KCNIP4: variants seen among roughly 807,000 people sequenced by gnomAD.
KCNIP4 encodes the protein potassium voltage-gated channel interacting protein 4.
KCNIP4 carries 12 observed loss-of-function variants against 34.0 expected under a neutral mutation model. That is an observed-to-expected ratio of 0.35 (90% CI 0.23 to 0.57). KCNIP4 has a LOEUF of 0.57. Ranked by LOEUF, KCNIP4 falls within the 20% of genes least tolerant of loss-of-function variation. KCNIP4 has a pLI of 0.83. For missense variants in KCNIP4, 238 were observed against 311.7 expected (o/e 0.76, Z 1.78); for synonymous variants, 124 against 102.2 (o/e 1.21, Z -1.29).
chr4:21,526,165 G>A (rs1461381532), intron 1 of KCNIP4, among the ~76,000 whole-genome samples: 2 of 152,100 alleles, frequency 1.3e-5, no homozygotes, highest in African/African-American at 4.8e-5. Context: ...AGCTTGAATT[G>A]TAATAATCCC....
chr4:21,794,171 T>C (rs966684664), intron 1 of KCNIP4, among the ~76,000 whole-genome samples: 2 of 152,126 alleles, frequency 1.3e-5, no homozygotes, highest in South Asian at 2.1e-4. Context: ...ATACCTAATG[T>C]AAATGACTAG....
chr4:20,858,643 C>T (rs1236131721), intron 2 of KCNIP4, among the ~76,000 whole-genome samples: 1 of 152,140 alleles, frequency 6.6e-6, no homozygotes, highest in Admixed American at 6.5e-5. Context: ...CAACTCTTGG[C>T]CAAATGGCTA....
intron 3 of KCNIP4, among the ~76,000 whole-genome samples, chr4:20,787,146 A>G (rs964343485): frequency 6.6e-6 from 1 of 152,206 alleles, no homozygotes; most frequent in African/African-American, 2.4e-5. Context: ...GACAGTTTAG[A>G]TACAAATAAC....
intron 1 of KCNIP4, among the ~76,000 whole-genome samples, chr4:20,990,845 T>C (rs1737021606): frequency 6.6e-6 from 1 of 152,202 alleles, no homozygotes; most frequent in African/African-American, 2.4e-5. Context: ...CCCACCACAC[T>C]GGGCTGGCTT....
intron 1 of KCNIP4, among the ~76,000 whole-genome samples, chr4:21,002,484 A>G (rs1738220214): frequency 6.6e-6 from 1 of 152,240 alleles, no homozygotes; most frequent in Non-Finnish European, 1.5e-5. Flanking sequence ...TGCATAATCA[A>G]GACATATGGC....
chr4:20,864,862 C>T (rs1722711559), intron 2 of KCNIP4, among the ~76,000 whole-genome samples: 1 of 152,096 alleles, frequency 6.6e-6, no homozygotes, highest in Non-Finnish European at 1.5e-5. Context: ...TACTGCAGCA[C>T]TTTGTCAGAT....
chr4:21,565,752 A>G (rs1051879435), intron 1 of KCNIP4, among the ~76,000 whole-genome samples: 4 of 152,140 alleles, frequency 2.6e-5, no homozygotes, highest in Non-Finnish European at 5.9e-5. Flanking sequence ...AAGTTGAGTA[A>G]TTTAAAGCTC....
At chr4:21,913,600 C>T (rs926327316) in intron 1 of KCNIP4, among the ~76,000 whole-genome samples, 1 of 152,196 alleles carries the variant, frequency 6.6e-6, no homozygotes, top group Middle Eastern at 3.4e-3. Flanking sequence ...TTAAGACAAG[C>T]AATTTCTTGT....
At chr4:21,795,895 C>A (rs1578000816) in intron 1 of KCNIP4, among the ~76,000 whole-genome samples, 1 of 152,074 alleles carries the variant, frequency 6.6e-6, no homozygotes, top group East Asian at 1.9e-4. Flanking sequence ...CATGGTGAGA[C>A]CCTGTCTCTA....
At chr4:20,795,615 G>A (rs567163109) in intron 3 of KCNIP4, among the ~76,000 whole-genome samples, 21 of 151,996 alleles carry the variant, frequency 1.4e-4, no homozygotes, top group Non-Finnish European at 2.8e-4. Flanking sequence ...TATCTTTTGG[G>A]TTGCGCTCAA....
At chr4:21,939,859 G>C (rs960530084) in intron 1 of KCNIP4, among the ~76,000 whole-genome samples, 4 of 152,168 alleles carry the variant, frequency 2.6e-5, no homozygotes, top group Non-Finnish European at 5.9e-5. Context: ...TGAAATATTA[G>C]ATGATGTATA....
In KCNIP4 at chr4:20,729,458, A is replaced by ATCTGATAATAAACTAATTTT. The variant is rs1295391554; in HGVS notation, c.*604_*623dup. ...TAAGTTTTATTAGGCATATGCTGAT[A>ATCTGATAATAAACTAATTTT]TCTGATAATAAACTAATTTTTAAAT... On this transcript the variant is annotated 3_prime_UTR_variant, in exon 9 of 9. Transcript: ENST00000382152. 2 of 126,790 alleles carry ATCTGATAATAAACTAATTTT rather than the reference A, an allele frequency of 1.6e-5. No homozygotes were observed. Among genetic ancestry groups the ATCTGATAATAAACTAATTTT allele is most frequent in the Admixed American group, 8.2e-5 (1 of 12,176 alleles). 7.9% of individuals were successfully genotyped at this position (126,790 alleles called of 1,614,324 possible).
chr4:21,283,214 T>C (rs1762891034), intron 1 of KCNIP4, among the ~76,000 whole-genome samples: 1 of 152,172 alleles, frequency 6.6e-6, no homozygotes, highest in East Asian at 1.9e-4. Flanking sequence ...TGGGATCTTA[T>C]TTGGATGAAA....
intron 1 of KCNIP4, among the ~76,000 whole-genome samples, chr4:21,261,349 CT>C (rs33991023): frequency 0.063 from 9,521 of 152,146 alleles, 1,002 homozygotes; most frequent in African/African-American, 0.22. Context: ...AAGATTATGT[CT>C]TACAGAGCTG....
chr4:21,538,539 T>G (rs1371591492), intron 1 of KCNIP4, among the ~76,000 whole-genome samples: 6 of 152,166 alleles, frequency 3.9e-5, no homozygotes, highest in Non-Finnish European at 2.9e-5. Context: ...CTTCTCATCC[T>G]CCTCTTCCTC....
chr4:21,400,807 G>C (rs1050798729), intron 1 of KCNIP4, among the ~76,000 whole-genome samples: 3 of 152,082 alleles, frequency 2.0e-5, no homozygotes, highest in African/African-American at 7.2e-5. Flanking sequence ...TGATTTTGTA[G>C]GTGAGAGAAC....
At chr4:21,355,958 T>C (rs1718548993) in intron 1 of KCNIP4, among the ~76,000 whole-genome samples, 1 of 152,112 alleles carries the variant, frequency 6.6e-6, no homozygotes, top group African/African-American at 2.4e-5. Flanking sequence ...TCCACCATGA[T>C]CAAGTGGGCT....
At chr4:21,223,307 C>A (rs527246201) in intron 1 of KCNIP4, among the ~76,000 whole-genome samples, 6 of 152,224 alleles carry the variant, frequency 3.9e-5, no homozygotes, top group African/African-American at 1.4e-4. Flanking sequence ...TGCTAAGAAT[C>A]TGGAAAAGAT....
chr4:21,590,508 G>A (rs543487924), intron 1 of KCNIP4, among the ~76,000 whole-genome samples: 12 of 151,876 alleles, frequency 7.9e-5, no homozygotes, highest in East Asian at 1.9e-4. Context: ...GAAGCTGGCC[G>A]GTTGTCAGGA....
Sources: allele counts gnomAD v4.1 joint callset (sites outside exome capture counted in the v4.1 genomes callset), GRCh38; gene constraint gnomAD v4.1.1; transcripts MANE v1.5; gene names NCBI Gene and HGNC (gene_info 2026-07-23, HGNC 2026-07-21).